The following PIEZO1 variants were observed in gnomAD, a reference collection of about 807,000 sequenced individuals.
PIEZO1 encodes piezo type mechanosensitive ion channel component 1 (Er blood group).
PIEZO1 carries 296 observed loss-of-function variants against 297.2 expected under a neutral mutation model. That is an observed-to-expected ratio of 1.00 (90% confidence interval 0.91 to 1.10). PIEZO1 has a LOEUF of 1.10. Ranked by LOEUF, PIEZO1 falls within the 50% of genes least tolerant of loss-of-function variation. PIEZO1 has a pLI of 0.00. For synonymous variants in PIEZO1, 2,427 were observed against 1,507.5 expected (o/e 1.61, Z -14.13); for missense variants, 5,018 against 3,455.5 (o/e 1.45, Z -11.34).
intron 1 of PIEZO1, among the ~76,000 whole-genome samples, 194 bp downstream of exon 1, chr16:88,784,707 T>G (rs1908098383): frequency 6.6e-6 from 1 of 151,480 alleles, no homozygotes; most frequent in African/African-American, 2.4e-5. Context: ...AGCCCGGCCC[T>G]GGGACAGGAG....
intron 39 of PIEZO1, 94 bp from the exon 40 acceptor site, chr16:88,720,842 T>C (rs776819010): frequency 1.1e-5 from 15 of 1,337,188 alleles, no homozygotes; most frequent in African/African-American, 1.5e-5. Context: ...TTCTCCCTGT[T>C]TGACAGACAA....
rs9930994 is a variant in PIEZO1, at chr16:88,734,285, C to T, written c.2180+71G>A. On this transcript the variant is annotated intron_variant, in intron 16 of 50. Coordinates refer to ENST00000301015, the MANE Select transcript of PIEZO1 (RefSeq NM_001142864.4). ...TGGAAGATGTGGCTCCTGTCCAACT[C>T]CCACCTGGCTCCCTCCCTGGCCCAG... The T allele has an allele frequency of 0.12, 167,377 of 1,372,674 alleles. 11,341 individuals are homozygous for T. Among genetic ancestry groups the T allele is most frequent in the Non-Finnish European group, 0.14 (142,930 of 1,033,228 alleles). The allele number at this position is 1,372,674 out of a possible 1,614,324, so 85.0% of individuals were successfully genotyped here. A position where few individuals can be genotyped will look rare whatever the true frequency, so the allele number is the denominator to read the frequency against.
intron 27 of PIEZO1, 44 bp downstream of exon 27, chr16:88,726,240 G>C: frequency 6.7e-7 from 1 of 1,495,676 alleles, no homozygotes; most frequent in Non-Finnish European, 9.0e-7. Context: ...CCCCCTCCCA[G>C]CCCCAAGACG....
chr16:88,728,277 G>A (rs139241264), intron 22 of PIEZO1, among the ~76,000 whole-genome samples: 3 of 152,276 alleles, frequency 2.0e-5, no homozygotes, highest in Non-Finnish European at 4.4e-5. Context: ...CCTGGGAGGC[G>A]TGTGAGGCAG....
intron 35 of PIEZO1, 50 bp downstream of exon 35, chr16:88,722,532 TG>T (rs1904287471): frequency 1.4e-6 from 2 of 1,443,558 alleles, no homozygotes; most frequent in East Asian, 5.0e-5. Context: ...GGCTAGGCGA[TG>T]CCCACACACC....
At chr16:88,768,907 C>T (rs969014262) in intron 1 of PIEZO1, among the ~76,000 whole-genome samples, 1 of 152,202 alleles carries the variant, frequency 6.6e-6, no homozygotes, top group South Asian at 2.1e-4. Context: ...TAGCCATGGC[C>T]GGGGCCGGAT....
intron 27 of PIEZO1, chr16:88,726,019 C>T (rs1159262716): frequency 1.2e-5 from 7 of 570,054 alleles, no homozygotes; most frequent in Admixed American, 3.3e-5. Context: ...GAAACTTAGC[C>T]CTTAGTGGGA....
At chr16:88,753,146 C>A (rs1255288794) in intron 1 of PIEZO1, among the ~76,000 whole-genome samples, 1 of 107,458 alleles carries the variant, frequency 9.3e-6, no homozygotes, top group South Asian at 4.0e-4. Context: ...CCTGCCCCCC[C>A]AGAGCACAAC....
rs1273515880 is a variant in PIEZO1, at chr16:88,716,285, G to A, written c.7050-8C>T. On this transcript the variant is annotated splice_polypyrimidine_tract_variant and splice_region_variant and intron_variant, in intron 48 of 50. Transcript: ENST00000301015. ...AAGAGATTAGGGATGACCCTGCAGGGAGGTGCTGGCAGGTCAGGCCTGGCC... is the reference window on the plus strand; with the variant it reads ...AAGAGATTAGGGATGACCCTGCAGGAAGGTGCTGGCAGGTCAGGCCTGGCC... The A allele has an allele frequency of 6.7e-7, 1 of 1,489,872 alleles. No individual in the cohort carries two copies. The highest frequency in any genetic ancestry group is 9.0e-7 in the Non-Finnish European group (1 of 1,114,362). 92.3% of individuals were successfully genotyped at this position (1,489,872 alleles called of 1,614,324 possible).
intron 1 of PIEZO1, among the ~76,000 whole-genome samples, chr16:88,769,422 G>A (rs1187297778): frequency 2.6e-5 from 4 of 152,198 alleles, no homozygotes; most frequent in East Asian, 3.9e-4. Context: ...TTTTCCGCTT[G>A]GATTTAGATT....
At chr16:88,763,988 G>C (rs951578546) in intron 1 of PIEZO1, among the ~76,000 whole-genome samples, 3 of 152,118 alleles carry the variant, frequency 2.0e-5, no homozygotes, top group African/African-American at 7.2e-5. Context: ...GGTTCAGAGG[G>C]GTTTCAGGAG....
chr16:88,770,144 G>A (rs1254862264), intron 1 of PIEZO1, among the ~76,000 whole-genome samples: 1 of 152,088 alleles, frequency 6.6e-6, no homozygotes, highest in African/African-American at 2.4e-5. Context: ...TCCAGGCAGA[G>A]AGTGCACAAT....
Position 88,738,632 on chromosome 16 carries a change from G to A in PIEZO1, c.570C>T (p.Val190=), listed in dbSNP as rs888051571. ...RRSRLAARFR[V]TAHWLLVAAG... ...CCGCCACCAGCAGCCAGTGGGCCGT[G>A]ACTCGGAAACGAGCGGCCAGCCGTG... The change falls in exon 6 of 51, where the codon GTC becomes GTT. Residue 190 remains valine, a synonymous_variant. Transcript: ENST00000301015. 1 of 1,535,708 alleles carries A rather than the reference G, an allele frequency of 6.5e-7. No homozygotes were observed. The highest frequency in any genetic ancestry group is 2.0e-5 in the Admixed American group (1 of 51,002).
chr16:88,726,051 C>A, intron 27 of PIEZO1: 2 of 575,038 alleles, frequency 3.5e-6, no homozygotes, highest in Non-Finnish European at 6.2e-6. Flanking sequence ...GGGTGAGACA[C>A]CAGCCACCGT....
At chr16:88,741,949 T>C in intron 4 of PIEZO1, 104 bp downstream of exon 4, 1 of 1,291,610 alleles carries the variant, frequency 7.7e-7, no homozygotes, top group Non-Finnish European at 1.1e-6. Context: ...GGAGTGTGGA[T>C]GAGTCTCCAG....
chr16:88,716,615 C>A lies in PIEZO1; in HGVS notation c.6870G>T (p.Arg2290=), dbSNP rs975641724. 109 of 1,549,884 alleles carry A rather than the reference C, an allele frequency of 7.0e-5. No homozygotes were observed. Among genetic ancestry groups the A allele is most frequent in the Non-Finnish European group, 8.7e-5 (100 of 1,146,886 alleles). ...ISPPSRAQMK[R]ELYNGTADIT... ...TGTCGGCCGTGCCGTTGTAGAGCTC[C>A]CGCTTCATCTGGGCACGGCTGGGGG... The change falls in exon 47 of 51, where the codon CGG becomes CGT. Residue 2290 remains arginine, a synonymous_variant. Coordinates refer to ENST00000301015, the MANE Select transcript of PIEZO1 (RefSeq NM_001142864.4).
At position 88,735,126 on chromosome 16, in the gene PIEZO1, A is replaced by C. The variant is rs890241267; in HGVS notation, c.1669+9T>G. 2 of 1,549,670 alleles carry C rather than the reference A, an allele frequency of 1.3e-6. No individual in the cohort carries two copies. Among genetic ancestry groups the C allele is most frequent in the East Asian group, 2.4e-5 (1 of 40,918 alleles). Reference sequence around the variant, plus strand: ...GGAGGGCAACCCCCGCCTCTGGCCCACCACTCACCTGTGTCTGCCACGGTG... The same window carrying C: ...GGAGGGCAACCCCCGCCTCTGGCCCCCCACTCACCTGTGTCTGCCACGGTG... On this transcript the variant is annotated intron_variant, in intron 13 of 50. Transcript: ENST00000301015.
At chr16:88,719,762 G>T in intron 43 of PIEZO1, 40 bp downstream of exon 43, 1 of 1,550,280 alleles carries the variant, frequency 6.5e-7, no homozygotes, top group Non-Finnish European at 8.7e-7. Flanking sequence ...GCTCCCTCAT[G>T]CCCGGGCCGT....
Position 88,726,718 on chromosome 16 carries a change from C to G in PIEZO1, c.3696G>C (p.Leu1232=). The G allele has an allele frequency of 1.3e-6, 2 of 1,549,558 alleles. No individual in the cohort carries two copies. Among genetic ancestry groups the G allele is most frequent in the Middle Eastern group, 1.7e-4 (1 of 5,988 alleles). ...TGCGGGGGGGCCGGAGGCTCACCGA[C>G]AGCATGTTCTTGGAGATGATGACGG... The part of the protein sequence containing the change: ...NVTVIISKNM[L]SLLACVFVEQ... Residue 1232 remains leucine (L), a synonymous_variant, in exon 25 of 51, where the codon CTG becomes CTC. Transcript: ENST00000301015.
Sources: allele counts gnomAD v4.1 joint callset (sites outside exome capture counted in the v4.1 genomes callset), GRCh38; gene constraint gnomAD v4.1.1; transcripts MANE v1.5; gene names NCBI Gene and HGNC (gene_info 2026-07-23, HGNC 2026-07-21).